Variants in MRPS31 observed in about 807,000 individuals in gnomAD.
The protein encoded by MRPS31 is small ribosomal subunit protein mS31.
In MRPS31, 32 loss-of-function variants were observed where a neutral mutation model predicts 43.1. That is an observed-to-expected ratio of 0.74 (90% CI 0.56 to 1.00). The LOEUF is 1.00. Among genes scored for constraint, MRPS31 ranks in the 50% least tolerant of loss-of-function variants. The pLI is 0.00. For synonymous variants in MRPS31, 165 were observed against 161.6 expected, an observed-to-expected ratio of 1.02 and a Z score of -0.16; for missense variants, 437 against 466.7, an observed-to-expected ratio of 0.94 and a Z score of 0.59.
At chr13:40,736,585 G>C (rs1222193903) in intron 6 of MRPS31, among the ~76,000 whole-genome samples, 1 of 150,784 alleles carries the variant, frequency 6.6e-6, no homozygotes, top group African/African-American at 2.5e-5. Context: ...CGGATCTCTC[G>C]GCAGAAACCC....
Position 40,766,840 on chromosome 13 carries a change from G to A in MRPS31, c.346C>T (p.Arg116Ter), listed in dbSNP as rs775319985. Residue 116 changes from arginine (R) to a stop codon, truncating the protein, a stop_gained, in exon 2 of 7, where the codon CGA (arginine) becomes TGA (stop). Coordinates refer to ENST00000323563, the MANE Select transcript of MRPS31 (RefSeq NM_005830.4). LOFTEE classifies it high-confidence loss of function. ...MKVELSTVNVRTTKPPKRRPL... is the reference protein window; with the variant it reads ...MKVELSTVNV ...CTTCTTTTGGGGGGCTTTGTTGTTC[G>A]TACATTTACTGTGCTTAATTCAACT... The A allele has an allele frequency of 1.2e-5, 20 of 1,613,914 alleles. No homozygotes were observed. Among genetic ancestry groups the A allele is most frequent in the East Asian group, 2.2e-5 (1 of 44,876 alleles).
At chr13:40,735,125 C>A (rs149769092) in intron 6 of MRPS31, among the ~76,000 whole-genome samples, 6,850 of 152,226 alleles carry the variant, frequency 0.045, 316 homozygotes, top group East Asian at 0.14. Flanking sequence ...ACTCGGGAAG[C>A]GCAAGGGGTC....
rs539663602 is a variant in MRPS31, at chr13:40,744,780, A to G, written c.958+4358T>C. ...CAGGCCCCGCCATCACACCTGGCTAATTTTTGCATTTTTAGTAGAGGCGGG... is the reference window on the plus strand; with the variant it reads ...CAGGCCCCGCCATCACACCTGGCTAGTTTTTGCATTTTTAGTAGAGGCGGG... On this transcript the variant is annotated intron_variant, in intron 6 of 6. Coordinates refer to ENST00000323563, the MANE Select transcript of MRPS31 (RefSeq NM_005830.4). 3.3e-5 allele frequency among the ~76,000 whole-genome samples: 5 copies of G among 152,018 alleles called. No individual in the cohort carries two copies. In the South Asian group the frequency reaches 1.0e-3, roughly 32 times the overall value.
At chr13:40,736,135 C>G (rs1308684416) in intron 6 of MRPS31, among the ~76,000 whole-genome samples, 3 of 149,934 alleles carry the variant, frequency 2.0e-5, no homozygotes, top group Admixed American at 6.7e-5. Flanking sequence ...GTGAAGAATG[C>G]AGAAGCCTCA....
At chr13:40,770,206 C>T (rs1464786972) in intron 1 of MRPS31, among the ~76,000 whole-genome samples, 1 of 152,230 alleles carries the variant, frequency 6.6e-6, no homozygotes, top group African/African-American at 2.4e-5. Flanking sequence ...CTCCTCCATT[C>T]AGCTGGTCCT....
intron 5 of MRPS31, among the ~76,000 whole-genome samples, 174 bp downstream of exon 5, chr13:40,753,845 T>TTAGGCGGA (rs1880457494): frequency 6.6e-6 from 1 of 152,190 alleles, no homozygotes; most frequent in African/African-American, 2.4e-5. Context: ...CCTTCCCAGT[T>TTAGGCGGA]TAGGCGGACA....
At chr13:40,769,421 T>G (rs181288316) in intron 1 of MRPS31, among the ~76,000 whole-genome samples, 2,495 of 120,088 alleles carry the variant, frequency 0.021, 122 homozygotes, top group African/African-American at 0.066. Flanking sequence ...TATATATATA[T>G]TATCAAGTTC....
intron 6 of MRPS31, among the ~76,000 whole-genome samples, chr13:40,730,506 C>T (rs1410001992): frequency 1.3e-5 from 2 of 152,208 alleles, no homozygotes; most frequent in East Asian, 1.9e-4. Flanking sequence ...GCCTGAACAA[C>T]AGAGTGACAC....
At chr13:40,751,201 G>A (rs1184390446) in intron 5 of MRPS31, among the ~76,000 whole-genome samples, 1 of 152,126 alleles carries the variant, frequency 6.6e-6, no homozygotes, top group Non-Finnish European at 1.5e-5. Flanking sequence ...CATTTACAGA[G>A]CAATCACATC....
chr13:40,731,950 T>A (rs1414843096), intron 6 of MRPS31, among the ~76,000 whole-genome samples: 1 of 151,938 alleles, frequency 6.6e-6, no homozygotes, highest in African/African-American at 2.4e-5. Flanking sequence ...GACAGCCAAG[T>A]GGTACTGGCA....
intron 1 of MRPS31, 129 bp from the exon 2 acceptor site, chr13:40,767,162 CTTTT>C: frequency 3.4e-6 from 2 of 582,348 alleles, no homozygotes; most frequent in Non-Finnish European, 5.3e-6. Flanking sequence ...CTTTCCGTTG[CTTTT>C]TTTTTTTTGA....
intron 1 of MRPS31, among the ~76,000 whole-genome samples, chr13:40,768,630 G>A (rs978132173): frequency 6.6e-6 from 1 of 151,948 alleles, no homozygotes; most frequent in Non-Finnish European, 1.5e-5. Flanking sequence ...AGGCTCAAGC[G>A]ATCTGCCCGC....
intron 6 of MRPS31, among the ~76,000 whole-genome samples, chr13:40,747,979 AC>A (rs1231644379): frequency 6.6e-6 from 1 of 152,244 alleles, no homozygotes; most frequent in African/African-American, 2.4e-5. Context: ...TATTTCTGAT[AC>A]TTAAGCTTCC....
intron 6 of MRPS31, among the ~76,000 whole-genome samples, chr13:40,734,250 T>C (rs1234420599): frequency 2.0e-5 from 3 of 152,148 alleles, no homozygotes; most frequent in Non-Finnish European, 4.4e-5. Context: ...TCAAAGCATG[T>C]GCTTCAACAA....
chr13:40,757,285 G>T (rs1004692085), intron 3 of MRPS31, among the ~76,000 whole-genome samples: 2 of 152,104 alleles, frequency 1.3e-5, no homozygotes, highest in African/African-American at 2.4e-5. Flanking sequence ...CAGAGAAAAT[G>T]ATAGGAAAGT....
chr13:40,736,349 A>G (rs1879906940), intron 6 of MRPS31, among the ~76,000 whole-genome samples: 1 of 151,812 alleles, frequency 6.6e-6, no homozygotes, highest in Non-Finnish European at 1.5e-5. Context: ...CAAGTTGGAA[A>G]ACACTCTGCA....
intron 2 of MRPS31, among the ~76,000 whole-genome samples, chr13:40,764,413 C>T (rs1038910988): frequency 3.3e-5 from 5 of 151,902 alleles, no homozygotes; most frequent in African/African-American, 1.2e-4. Context: ...GATACAGAAC[C>T]TGCACATACA....
chr13:40,730,196 T>C (rs1879638430), intron 6 of MRPS31, among the ~76,000 whole-genome samples: 1 of 152,172 alleles, frequency 6.6e-6, no homozygotes, highest in Non-Finnish European at 1.5e-5. Context: ...ATAAAGTTCA[T>C]TTACAATGCC....
chr13:40,768,729 C>T (rs896921325), intron 1 of MRPS31, among the ~76,000 whole-genome samples: 2 of 152,188 alleles, frequency 1.3e-5, no homozygotes, highest in Non-Finnish European at 2.9e-5. Context: ...ACTTTGGTCC[C>T]ACCAAAGAAT....
Sources: allele counts gnomAD v4.1 joint callset (sites outside exome capture counted in the v4.1 genomes callset), GRCh38; gene constraint gnomAD v4.1.1; transcripts MANE v1.5; gene names NCBI Gene and HGNC (gene_info 2026-07-23, HGNC 2026-07-21).